NIBAN1: variants seen among roughly 807,000 people sequenced by gnomAD.
The protein encoded by NIBAN1 is protein Niban 1.
Under a neutral mutation model 75.1 loss-of-function variants are expected in NIBAN1, and 81 were observed. The observed-to-expected ratio is 1.08, with a 90% CI of 0.90 to 1.30. NIBAN1 has a LOEUF of 1.30. Among genes scored for constraint, NIBAN1 ranks in the 50% most tolerant of loss-of-function variants. NIBAN1 has a pLI of 0.00. For synonymous variants in NIBAN1, 436 were observed against 424.8 expected, an observed-to-expected ratio of 1.03 and a Z score of -0.32; for missense variants, 1,133 against 1,128.1, an observed-to-expected ratio of 1.00 and a Z score of -0.06.
chr1:184,833,658 C>T lies in NIBAN1; in HGVS notation c.602-1696G>A, dbSNP rs552774014. Among the ~76,000 whole-genome samples, 9 of 152,050 alleles carry T rather than the reference C, an allele frequency of 5.9e-5. 1 individual carries two copies. In the East Asian group the frequency reaches 1.2e-3, roughly 20 times the overall value. On this transcript the variant is annotated intron_variant, in intron 5 of 13. Coordinates refer to ENST00000367511, the MANE Select transcript of NIBAN1 (RefSeq NM_052966.4). Reference sequence around the variant, plus strand: ...TTGAGGCTGCAGTGAGCTATAACTGCACAATTGCACCCTATCCAGGGCAAT... The same window carrying T: ...TTGAGGCTGCAGTGAGCTATAACTGTACAATTGCACCCTATCCAGGGCAAT...
intron 6 of NIBAN1, among the ~76,000 whole-genome samples, chr1:184,824,783 CG>C (rs563946676): frequency 6.6e-6 from 1 of 151,692 alleles, no homozygotes; most frequent in Non-Finnish European, 1.5e-5. Flanking sequence ...TTCATTTTTT[CG>C]GGGGGAAGGG....
intron 1 of NIBAN1, among the ~76,000 whole-genome samples, chr1:184,964,660 A>G (rs1424322154): frequency 1.3e-5 from 2 of 152,166 alleles, no homozygotes; most frequent in Admixed American, 6.5e-5. Flanking sequence ...TAAGGGTTCA[A>G]CGAAGACTCC....
intron 5 of NIBAN1, among the ~76,000 whole-genome samples, chr1:184,870,016 C>G (rs745716372): frequency 1.3e-5 from 2 of 152,332 alleles, no homozygotes; most frequent in Non-Finnish European, 2.9e-5. Context: ...GATTCTCTAA[C>G]TCTGAAGGGA....
chr1:184,821,912 A>C (rs1245693629), intron 8 of NIBAN1, among the ~76,000 whole-genome samples: 1 of 152,002 alleles, frequency 6.6e-6, no homozygotes, highest in Non-Finnish European at 1.5e-5. Flanking sequence ...GCCTCCTCAA[A>C]CCTCCTCTCA....
At chr1:184,967,517 T>C (rs1234746075) in intron 1 of NIBAN1, among the ~76,000 whole-genome samples, 2 of 152,244 alleles carry the variant, frequency 1.3e-5, no homozygotes, top group African/African-American at 4.8e-5. Context: ...AGTACATTTA[T>C]ATTAATGAAA....
chr1:184,854,710 T>C (rs1655629670), intron 5 of NIBAN1, among the ~76,000 whole-genome samples: 1 of 152,200 alleles, frequency 6.6e-6, no homozygotes, highest in South Asian at 2.1e-4. Flanking sequence ...ATATTTATAG[T>C]AACAGATTGT....
At chr1:184,916,628 C>T (rs1249761019) in intron 1 of NIBAN1, among the ~76,000 whole-genome samples, 1 of 151,506 alleles carries the variant, frequency 6.6e-6, no homozygotes, top group African/African-American at 2.4e-5. Context: ...ATTCAATTTC[C>T]AGGATAAGAC....
chr1:184,897,277 A>AGTGTGTGT lies in NIBAN1; in HGVS notation c.186+1894_186+1901dup, dbSNP rs34548568. On this transcript the variant is annotated intron_variant, in intron 2 of 13. Coordinates refer to ENST00000367511, the MANE Select transcript of NIBAN1 (RefSeq NM_052966.4). ...ATCTCCTTGGTTAAATGTACTCCTA[A>AGTGTGTGT]GTGTGTGTGTGTGTGTGTGTGTGTG... is the stretch of plus-strand genomic sequence containing the variant. Among the ~76,000 whole-genome samples the AGTGTGTGT allele has an allele frequency of 8.9e-3, 1,176 of 132,664 alleles. 3 individuals are homozygous for AGTGTGTGT. The highest frequency in any genetic ancestry group is 0.011 in the Non-Finnish European group (681 of 61,038). 87.0% of individuals were successfully genotyped at this position (132,664 alleles called of 152,430 possible). A position where few individuals can be genotyped will look rare whatever the true frequency, so the allele number is the denominator to read the frequency against.
chr1:184,894,888 T>C (rs1001302013), intron 2 of NIBAN1, among the ~76,000 whole-genome samples: 3 of 152,200 alleles, frequency 2.0e-5, no homozygotes, highest in Non-Finnish European at 4.4e-5. Context: ...AGTTACATCT[T>C]CCATTGGATT....
At chr1:184,947,090 A>G (rs1428638230) in intron 1 of NIBAN1, among the ~76,000 whole-genome samples, 1 of 150,640 alleles carries the variant, frequency 6.6e-6, no homozygotes, top group Admixed American at 6.6e-5. Flanking sequence ...AAAAGAAAAG[A>G]AAAGAAATGC....
rs756043735 is a variant in NIBAN1 at position 184,792,081 on chromosome 1, C to G, written c.*2896G>C. ...AAACAATCCTCCTGCCTCAACCACC[C>G]AAGTAGCTAGGACTGCAGGCACACA... is the stretch of plus-strand genomic sequence containing the variant. On this transcript the variant is annotated 3_prime_UTR_variant, in exon 14 of 14. Transcript: ENST00000367511. 2 of 152,062 alleles carry G rather than the reference C, an allele frequency of 1.3e-5. No individual in the cohort carries two copies. The highest frequency in any genetic ancestry group is 2.4e-5 in the African/African-American group (1 of 41,378). The allele number at this position is 152,062 out of a possible 1,614,324, so 9.4% of individuals were successfully genotyped here.
chr1:184,830,931 C>A (rs549567380), intron 6 of NIBAN1, among the ~76,000 whole-genome samples: 1 of 150,388 alleles, frequency 6.6e-6, no homozygotes, highest in African/African-American at 2.4e-5. Flanking sequence ...ACTAAGGAGG[C>A]GGAGGTTGCA....
intron 5 of NIBAN1, among the ~76,000 whole-genome samples, chr1:184,874,036 C>T (rs1343852924): frequency 2.0e-5 from 3 of 151,996 alleles, no homozygotes; most frequent in Admixed American, 1.3e-4. Context: ...CTAAAGCATT[C>T]TAAGTTATCT....
At position 184,894,065 on chromosome 1, in the gene NIBAN1, AGT is replaced by A. The variant is rs1396727511; in HGVS notation, c.318+8_318+9del. 1 of 1,590,180 alleles carries A rather than the reference AGT, an allele frequency of 6.3e-7. No individual in the cohort carries two copies. Among genetic ancestry groups the A allele is most frequent in the East Asian group, 2.2e-5 (1 of 44,456 alleles). Reference sequence around the variant, plus strand: ...GTGTAAGAATCAGTAGTAACAAAGAAGTGTCTTACCTCTTTATTCTCATAGCT... The same window carrying A: ...GTGTAAGAATCAGTAGTAACAAAGAAGTCTTACCTCTTTATTCTCATAGCT... On this transcript the variant is annotated splice_region_variant and intron_variant, in intron 3 of 13. Transcript: ENST00000367511.
At chr1:184,906,064 C>T (rs1203423798) in intron 1 of NIBAN1, among the ~76,000 whole-genome samples, 1 of 150,072 alleles carries the variant, frequency 6.7e-6, no homozygotes, top group Admixed American at 6.7e-5. Flanking sequence ...ATAGAGAGAC[C>T]TTGACTCTAC....
At chr1:184,813,037 G>A (rs1033183889) in intron 9 of NIBAN1, among the ~76,000 whole-genome samples, 3 of 152,176 alleles carry the variant, frequency 2.0e-5, no homozygotes, top group Non-Finnish European at 4.4e-5. Flanking sequence ...ATGATTAAAA[G>A]TCCACTTAAT....
intron 12 of NIBAN1, among the ~76,000 whole-genome samples, chr1:184,799,527 G>A (rs1167966011): frequency 2.1e-5 from 3 of 146,250 alleles, no homozygotes; most frequent in Admixed American, 6.9e-5. Context: ...CTTTATAGCA[G>A]CATGATTTAT....
intron 12 of NIBAN1, among the ~76,000 whole-genome samples, chr1:184,801,633 C>T (rs1162273017): frequency 6.6e-6 from 1 of 152,224 alleles, no homozygotes; most frequent in Non-Finnish European, 1.5e-5. Flanking sequence ...TTCCTTGGAA[C>T]TCTTCCCCAT....
intron 11 of NIBAN1, among the ~76,000 whole-genome samples, chr1:184,805,369 A>T (rs1295850336): frequency 1.3e-5 from 2 of 152,254 alleles, no homozygotes; most frequent in Non-Finnish European, 2.9e-5. Context: ...ATGGGGGAAT[A>T]TTCTAGTTAA....
Sources: gnomAD v4.1 joint callset for allele counts (sites outside exome capture counted in the v4.1 genomes callset) on GRCh38, gnomAD v4.1.1 for gene constraint, MANE v1.5 for transcripts, NCBI Gene and HGNC (gene_info 2026-07-23, HGNC 2026-07-21) for gene names.